Variants in STPG2 observed in about 807,000 individuals in gnomAD.
STPG2 encodes the protein sperm-tail PG-rich repeat-containing protein 2.
A neutral mutation model predicts 54.2 loss-of-function variants in STPG2; 56 were observed. The observed-to-expected ratio is 1.03, with a 90% CI of 0.83 to 1.29. The LOEUF is 1.29. Ranked by LOEUF, STPG2 falls within the 50% of genes most tolerant of loss-of-function variation. The pLI is 0.00. For missense variants in STPG2, 596 were observed against 544.9 expected (o/e 1.09, Z -0.93); for synonymous variants, 200 against 181.8 (o/e 1.10, Z -0.81).
At chr4:97,534,356 G>T (rs2148855571) in intron 4 of STPG2, among the ~76,000 whole-genome samples, 1 of 152,116 alleles carries the variant, frequency 6.6e-6, no homozygotes, top group South Asian at 2.1e-4. Flanking sequence ...CTTACCCTAT[G>T]CAGACTTACA....
chr4:98,113,674 T>C (rs1739424011), intron 3 of STPG2, among the ~76,000 whole-genome samples: 1 of 152,036 alleles, frequency 6.6e-6, no homozygotes, highest in Non-Finnish European at 1.5e-5. Flanking sequence ...TATATTATTA[T>C]TCTTAATAGC....
At chr4:97,631,375 T>A (rs1408446028) in intron 10 of STPG2, among the ~76,000 whole-genome samples, 2 of 152,068 alleles carry the variant, frequency 1.3e-5, no homozygotes, top group Non-Finnish European at 2.9e-5. Flanking sequence ...GGACAATGCT[T>A]ACAAGACTTC....
At chr4:97,491,495 T>C (rs1054166665) in intron 4 of STPG2, among the ~76,000 whole-genome samples, 1 of 151,444 alleles carries the variant, frequency 6.6e-6, no homozygotes, top group Non-Finnish European at 1.5e-5. Context: ...AAGGGTCACT[T>C]GGCAGAAGCT....
intron 8 of STPG2, chr4:97,892,927 C>G (rs1480370385): frequency 6.6e-6 from 1 of 152,100 alleles, no homozygotes; most frequent in Non-Finnish European, 1.5e-5. Flanking sequence ...TTTTGTACAG[C>G]AAAATCAAGA....
intron 8 of STPG2, among the ~76,000 whole-genome samples, chr4:97,913,056 C>T (rs569085241): frequency 2.8e-4 from 43 of 152,138 alleles, no homozygotes; most frequent in Non-Finnish European, 6.0e-4. Flanking sequence ...ATGCTAACAA[C>T]ATAATAGGTA....
At chr4:97,630,599 A>T (rs988307446) in intron 10 of STPG2, among the ~76,000 whole-genome samples, 3 of 151,904 alleles carry the variant, frequency 2.0e-5, no homozygotes, top group Non-Finnish European at 3.0e-5. Context: ...GATTAATCTG[A>T]AATTCAGATT....
chr4:97,602,667 G>T (rs891367864), intron 10 of STPG2, among the ~76,000 whole-genome samples: 1 of 151,456 alleles, frequency 6.6e-6, no homozygotes, highest in Non-Finnish European at 1.5e-5. Flanking sequence ...TTTTGTCATG[G>T]TTTTTTGGCA....
intron 7 of STPG2, among the ~76,000 whole-genome samples, chr4:97,961,333 G>A (rs543389620): frequency 1.3e-5 from 2 of 152,130 alleles, no homozygotes; most frequent in Admixed American, 1.3e-4. Context: ...AAATGCAAAT[G>A]CAATAAAAGC....
At chr4:97,737,055 A>T (rs1241301591) in intron 9 of STPG2, among the ~76,000 whole-genome samples, 1 of 152,074 alleles carries the variant, frequency 6.6e-6, no homozygotes, top group Non-Finnish European at 1.5e-5. Context: ...CGGTTCACAA[A>T]AATACGCTGT....
intron 5 of STPG2, among the ~76,000 whole-genome samples, chr4:98,088,190 G>C (rs1390415360): frequency 6.6e-6 from 1 of 152,174 alleles, no homozygotes; most frequent in Non-Finnish European, 1.5e-5. Context: ...GATGCATACA[G>C]AAAAACTGTG....
intron 9 of STPG2, among the ~76,000 whole-genome samples, chr4:97,734,380 G>A (rs1388111960): frequency 1.3e-5 from 2 of 152,078 alleles, no homozygotes; most frequent in African/African-American, 4.8e-5. Context: ...TATTAAGCCA[G>A]GTACCCATTA....
intron 5 of STPG2, among the ~76,000 whole-genome samples, chr4:98,042,335 C>T (rs1299856553): frequency 1.3e-5 from 2 of 151,492 alleles, no homozygotes; most frequent in Non-Finnish European, 2.9e-5. Flanking sequence ...TAGTTCTACT[C>T]TGATCTTTGT....
At chr4:97,915,561 G>A (rs1332097509) in intron 8 of STPG2, among the ~76,000 whole-genome samples, 2 of 152,074 alleles carry the variant, frequency 1.3e-5, no homozygotes, top group Non-Finnish European at 2.9e-5. Context: ...AGGAAGAGAA[G>A]AGACTGCCCC....
At chr4:97,478,113 T>A (rs948629445) in intron 4 of STPG2, among the ~76,000 whole-genome samples, 3 of 152,186 alleles carry the variant, frequency 2.0e-5, no homozygotes, top group African/African-American at 4.8e-5. Context: ...TATTTCTGCA[T>A]GGAGTGACAG....
chr4:98,107,125 T>C (rs544393984), intron 4 of STPG2, among the ~76,000 whole-genome samples: 1 of 152,302 alleles, frequency 6.6e-6, no homozygotes, highest in Admixed American at 6.5e-5. Flanking sequence ...GAAAGGTTTA[T>C]GGATAAGAAA....
rs575132232 is a variant in STPG2 at position 98,007,336 on chromosome 4, G to A, written c.613-26018C>T. The stretch of plus-strand genomic sequence containing the variant: ...ACCACTACAACCAATATTTGAGAAA[G>A]CCATCACACTAAGTCTACCTATAAT... On this transcript the variant is annotated intron_variant, in intron 5 of 10. Transcript: ENST00000295268. Among the ~76,000 whole-genome samples the A allele has an allele frequency of 1.1e-4, 17 of 152,170 alleles. No individual in the cohort carries two copies. The South Asian group carries it at 3.5e-3, about 32-fold the overall frequency.
At chr4:97,481,855 T>G (rs182523056) in intron 4 of STPG2, among the ~76,000 whole-genome samples, 1 of 151,748 alleles carries the variant, frequency 6.6e-6, no homozygotes, top group East Asian at 1.9e-4. Context: ...CTTATTAAAG[T>G]GGCTAGGAAC....
intron 8 of STPG2, among the ~76,000 whole-genome samples, chr4:97,904,112 C>T (rs1045239188): frequency 6.6e-6 from 1 of 152,212 alleles, no homozygotes; most frequent in South Asian, 2.1e-4. Context: ...CTGAAGGAGG[C>T]CTGCCTGCCT....
At chr4:97,660,328 G>A (rs999271055) in intron 10 of STPG2, among the ~76,000 whole-genome samples, 3 of 152,030 alleles carry the variant, frequency 2.0e-5, no homozygotes, top group Admixed American at 6.6e-5. Context: ...TTATATTGAC[G>A]GATCTGTTAA....
Sources: allele counts gnomAD v4.1 joint callset (sites outside exome capture counted in the v4.1 genomes callset), GRCh38; gene constraint gnomAD v4.1.1; transcripts MANE v1.5; gene names NCBI Gene and HGNC (gene_info 2026-07-23, HGNC 2026-07-21).